The following CAB39L variants were observed in gnomAD, a reference collection of about 807,000 sequenced individuals.
The protein encoded by CAB39L is calcium-binding protein 39-like.
In CAB39L, 23 loss-of-function variants were observed where a neutral mutation model predicts 39.1. The ratio of observed to expected loss-of-function variants is 0.59; its 90% CI spans 0.42 to 0.83. The LOEUF (loss-of-function observed/expected upper bound fraction) is 0.83, where lower values mean the gene tolerates loss of function less well. CAB39L is among the 40% of genes least tolerant of loss of function. The pLI is 0.00. For synonymous variants in CAB39L, 126 were observed against 137.2 expected (o/e 0.92, Z 0.57); for missense variants, 366 against 391.9 (o/e 0.93, Z 0.56).
At chr13:49,398,661 C>T (rs1956693113) in intron 3 of CAB39L, among the ~76,000 whole-genome samples, 1 of 151,986 alleles carries the variant, frequency 6.6e-6, no homozygotes, top group African/African-American at 2.4e-5. Flanking sequence ...TTGTTTATTT[C>T]ATTATTATTT....
Position 49,329,541 on chromosome 13 carries a change from AAAAATATATATATATATATATATAT to A in CAB39L, c.834+2381_834+2405del, listed in dbSNP as rs1291557462. Among the ~76,000 whole-genome samples the A allele has an allele frequency of 1.4e-4, 5 of 36,490 alleles. No homozygotes were observed. The South Asian group carries it at 3.9e-3, about 29-fold the overall frequency. The allele number at this position is 36,490 out of a possible 152,430, so 23.9% of individuals were successfully genotyped here. A position where few individuals can be genotyped will look rare whatever the true frequency, so the allele number is the denominator to read the frequency against. On this transcript the variant is annotated intron_variant, in intron 10 of 10. Coordinates refer to ENST00000409308, the MANE Select transcript of CAB39L (RefSeq NM_001079670.3). ...CCTACATATCTCTTCAATTAAAAAA[AAAAATATATATATATATATATATAT>A]ATATATATATATATATATATATATA... is the stretch of plus-strand genomic sequence containing the variant.
At chr13:49,345,548 T>G (rs1384524289) in intron 7 of CAB39L, among the ~76,000 whole-genome samples, 1 of 152,156 alleles carries the variant, frequency 6.6e-6, no homozygotes, top group Non-Finnish European at 1.5e-5. Flanking sequence ...TTCAAACTAG[T>G]TCCTGCATCA....
intron 6 of CAB39L, among the ~76,000 whole-genome samples, chr13:49,355,132 T>C (rs985014713): frequency 6.6e-6 from 1 of 151,960 alleles, no homozygotes; most frequent in Non-Finnish European, 1.5e-5. Context: ...TCCCAGCACT[T>C]TGGGAGGCCA....
rs754095774 is a variant in CAB39L at position 49,376,969 on chromosome 13, CA to C, written c.273del (p.Phe91LeufsTer7). 1.2e-6 allele frequency: 2 copies of C among 1,606,218 alleles called. No homozygotes were observed. Among genetic ancestry groups the C allele is most frequent in the South Asian group, 2.2e-5 (2 of 89,698 alleles). ...TLIADLQLID[F>X]EGKKDVTQIF... The stretch of plus-strand genomic sequence containing the variant: ...ACATCCTTTTACAGCTGGCTTACCT[CA>C]AAGTCTATCAGCTGCAGGTCAGCTA... On this transcript the variant is annotated frameshift_variant, in exon 5 of 11. Coordinates refer to ENST00000409308, the MANE Select transcript of CAB39L (RefSeq NM_001079670.3). LOFTEE classifies it high-confidence loss of function.
At chr13:49,424,174 G>C (rs1201993292) in intron 3 of CAB39L, among the ~76,000 whole-genome samples, 1 of 152,126 alleles carries the variant, frequency 6.6e-6, no homozygotes, top group Admixed American at 6.5e-5. Context: ...ATGAAAAGAG[G>C]GGTAATGGAA....
chr13:49,363,619 A>T (rs1041222311), intron 5 of CAB39L, among the ~76,000 whole-genome samples: 1 of 152,080 alleles, frequency 6.6e-6, no homozygotes, highest in Non-Finnish European at 1.5e-5. Context: ...CCAGAAAACA[A>T]ATAACAAAAT....
intron 3 of CAB39L, among the ~76,000 whole-genome samples, chr13:49,393,306 A>G (rs1000538783): frequency 6.6e-6 from 1 of 152,124 alleles, no homozygotes; most frequent in African/African-American, 2.4e-5. Flanking sequence ...TGCCAACTAA[A>G]TATGTACAAA....
At chr13:49,314,883 A>G (rs1287882031) in intron 10 of CAB39L, among the ~76,000 whole-genome samples, 1 of 152,240 alleles carries the variant, frequency 6.6e-6, no homozygotes, top group Non-Finnish European at 1.5e-5. Flanking sequence ...TTCAAATGGT[A>G]CATGGCACAC....
At position 49,351,297 on chromosome 13, in the gene CAB39L, T is replaced by A. The variant is rs193041407; in HGVS notation, c.396-385A>T. On this transcript the variant is annotated intron_variant, in intron 6 of 10. Coordinates refer to ENST00000409308, the MANE Select transcript of CAB39L (RefSeq NM_001079670.3). ...GTGTGTGTGTGTGTGTGTGTGTGTG[T>A]GAGTGACTACTTAAGTTACTTTACT... Among the ~76,000 whole-genome samples, 409 of 150,196 alleles carry A rather than the reference T, an allele frequency of 2.7e-3. 2 individuals are homozygous for A. Among genetic ancestry groups the A allele is most frequent in the African/African-American group, 9.1e-3 (374 of 40,944 alleles).
In CAB39L at chr13:49,313,253, G is replaced by A. The variant is rs180729169; in HGVS notation, c.835-2260C>T. Among the ~76,000 whole-genome samples the A allele has an allele frequency of 7.6e-3, 1,160 of 152,202 alleles. 7 individuals carry two copies. The highest frequency in any genetic ancestry group is 0.011 in the Non-Finnish European group (776 of 68,008). ...TCCTAGTACTTTGGGAGGCCGAGGT[G>A]GGCGGATCACGAAGTCAGGAGATCG... On this transcript the variant is annotated intron_variant, in intron 10 of 10. Transcript: ENST00000409308.
intron 7 of CAB39L, among the ~76,000 whole-genome samples, chr13:49,346,921 A>G (rs1385538433): frequency 6.6e-6 from 1 of 152,152 alleles, no homozygotes; most frequent in Admixed American, 6.5e-5. Flanking sequence ...CTTTTGGTAG[A>G]CAAATCTATG....
At chr13:49,323,548 T>TTAA (rs1188586833) in intron 10 of CAB39L, among the ~76,000 whole-genome samples, 1 of 152,202 alleles carries the variant, frequency 6.6e-6, no homozygotes, top group Non-Finnish European at 1.5e-5. Context: ...AAGCCTCAGA[T>TTAA]GGAAATGTGG....
intron 6 of CAB39L, among the ~76,000 whole-genome samples, chr13:49,353,207 T>C (rs563084314): frequency 3.3e-5 from 5 of 152,202 alleles, no homozygotes; most frequent in African/African-American, 1.2e-4. Context: ...CAATTTCTCT[T>C]ATTAGAAAAA....
intron 10 of CAB39L, among the ~76,000 whole-genome samples, chr13:49,319,456 A>G (rs1046191777): frequency 6.6e-6 from 1 of 152,156 alleles, no homozygotes; most frequent in Non-Finnish European, 1.5e-5. Flanking sequence ...GCAATGGGGA[A>G]TGACTGCTTA....
intron 10 of CAB39L, among the ~76,000 whole-genome samples, chr13:49,329,547 ATATATATATATATATATATATATATAT>A (rs1566066080): frequency 0.038 from 1,263 of 32,920 alleles, 152 homozygotes; most frequent in African/African-American, 0.087. Flanking sequence ...AAAAAAAAAT[ATATATATATATATATATATATATATAT>A]ATATATATAT....
At chr13:49,359,456 A>T (rs1955571976) in intron 6 of CAB39L, among the ~76,000 whole-genome samples, 1 of 152,190 alleles carries the variant, frequency 6.6e-6, no homozygotes, top group Non-Finnish European at 1.5e-5. Flanking sequence ...CTGTAATAGG[A>T]AGAGACAGAA....
intron 3 of CAB39L, among the ~76,000 whole-genome samples, chr13:49,411,553 A>G (rs1956990855): frequency 1.3e-5 from 2 of 152,126 alleles, no homozygotes; most frequent in South Asian, 2.1e-4. Flanking sequence ...ATACACACCA[A>G]GATAATTTTT....
At chr13:49,361,323 C>A (rs1955621950) in intron 5 of CAB39L, among the ~76,000 whole-genome samples, 1 of 151,484 alleles carries the variant, frequency 6.6e-6, no homozygotes, top group Non-Finnish European at 1.5e-5. Context: ...AGTAAAAATA[C>A]AAAAATTAAC....
intron 10 of CAB39L, among the ~76,000 whole-genome samples, chr13:49,313,338 A>G (rs568472252): frequency 6.5e-4 from 99 of 152,234 alleles, no homozygotes; most frequent in East Asian, 5.6e-3. Flanking sequence ...AAAATTAGCC[A>G]GGCGTGGTGG....
Sources: gnomAD v4.1 joint callset for allele counts (sites outside exome capture counted in the v4.1 genomes callset) on GRCh38, gnomAD v4.1.1 for gene constraint, MANE v1.5 for transcripts, NCBI Gene and HGNC (gene_info 2026-07-23, HGNC 2026-07-21) for gene names.